Variants in GRB2 observed in about 807,000 individuals in gnomAD.
GRB2 encodes the protein growth factor receptor bound protein 2, also known as growth factor receptor-bound protein 2.
In GRB2, 2 loss-of-function variants were observed where a neutral mutation model predicts 27.4. The ratio of observed to expected loss-of-function variants is 0.07; its 90% confidence interval spans 0.03 to 0.23. The LOEUF is 0.23. Among genes scored for constraint, GRB2 ranks in the 10% least tolerant of loss-of-function variants. The pLI, the probability that GRB2 is intolerant of heterozygous loss-of-function variation, is 1.00. For missense variants in GRB2, 102 were observed against 282.4 expected, an observed-to-expected ratio of 0.36 and a Z score of 4.58; for synonymous variants, 94 against 99.6, an observed-to-expected ratio of 0.94 and a Z score of 0.33.
chr17:75,383,612 G>A (rs1329154218), intron 2 of GRB2, among the ~76,000 whole-genome samples: 1 of 152,222 alleles, frequency 6.6e-6, no homozygotes, highest in Non-Finnish European at 1.5e-5. Context: ...GGGAGGCTGA[G>A]GCAGGCGGAT....
chr17:75,320,032 T>C lies in GRB2; in HGVS notation c.*336A>G, dbSNP rs776063105. ...CCACTTGGTTTCTTGTTTTTTATTATTGGCGTCAGCTAGGACTATACGTGG... is the reference window on the plus strand; with the variant it reads ...CCACTTGGTTTCTTGTTTTTTATTACTGGCGTCAGCTAGGACTATACGTGG... On this transcript the variant is annotated 3_prime_UTR_variant, in exon 6 of 6. Transcript: ENST00000316804. This position sits in a 1 kb window ranked among gnomAD's most constrained non-coding sequence, Gnocchi z 4.3. 2 of 188,384 alleles carry C rather than the reference T, an allele frequency of 1.1e-5. No homozygotes were observed. Among genetic ancestry groups the C allele is most frequent in the Admixed American group, 5.4e-5 (1 of 18,364 alleles). 11.7% of individuals were successfully genotyped at this position (188,384 alleles called of 1,614,324 possible). A position where few individuals can be genotyped will look rare whatever the true frequency, so the allele number is the denominator to read the frequency against.
At chr17:75,377,132 G>A (rs1032987356) in intron 2 of GRB2, among the ~76,000 whole-genome samples, 1 of 151,348 alleles carries the variant, frequency 6.6e-6, no homozygotes, top group African/African-American at 2.4e-5. Flanking sequence ...GTGACCCCCC[G>A]CTACAAAAAA....
intron 2 of GRB2, among the ~76,000 whole-genome samples, chr17:75,358,692 A>C (rs2078751707): frequency 1.0e-5 from 1 of 97,070 alleles, no homozygotes; most frequent in South Asian, 3.8e-4. Context: ...GCGAAATCCC[A>C]TCTCTACTAA....
At chr17:75,324,392 T>C (rs546661336) in intron 4 of GRB2, among the ~76,000 whole-genome samples, 45 of 139,596 alleles carry the variant, frequency 3.2e-4, no homozygotes, top group African/African-American at 1.1e-3. Flanking sequence ...TTTTTTTTAG[T>C]AGAGACAGGG....
At chr17:75,391,919 T>C (rs896504514) in intron 2 of GRB2, among the ~76,000 whole-genome samples, 2 of 152,100 alleles carry the variant, frequency 1.3e-5, no homozygotes, top group East Asian at 3.8e-4. Flanking sequence ...GAGAAAAATA[T>C]GAACCACCAG....
intron 2 of GRB2, among the ~76,000 whole-genome samples, chr17:75,391,546 C>T (rs890916484): frequency 7.2e-5 from 11 of 152,280 alleles, no homozygotes; most frequent in Admixed American, 2.0e-4. Context: ...CAGTAGCTCA[C>T]GCCTGTAATC....
intron 2 of GRB2, among the ~76,000 whole-genome samples, chr17:75,353,487 G>C (rs2078707207): frequency 1.3e-5 from 2 of 152,060 alleles, no homozygotes; most frequent in Non-Finnish European, 2.9e-5. Context: ...TTTTTACCGG[G>C]CGCGGTGGCT....
chr17:75,395,440 C>A (rs2079023478), intron 1 of GRB2, among the ~76,000 whole-genome samples: 1 of 152,126 alleles, frequency 6.6e-6, no homozygotes, highest in African/African-American at 2.4e-5. Context: ...CCTTAAATGC[C>A]CTTCACTTAC....
At chr17:75,356,740 C>T (rs1351120482) in intron 2 of GRB2, among the ~76,000 whole-genome samples, 2 of 152,202 alleles carry the variant, frequency 1.3e-5, no homozygotes, top group Non-Finnish European at 2.9e-5. Flanking sequence ...CTGCCCTCAT[C>T]TGACTTGGCC....
chr17:75,390,162 T>C (rs1176609567), intron 2 of GRB2, among the ~76,000 whole-genome samples: 2 of 152,078 alleles, frequency 1.3e-5, no homozygotes, highest in Non-Finnish European at 2.9e-5. Flanking sequence ...CTGGTAAAGG[T>C]AGTTAGTGCC....
rs573030908 is a variant in GRB2 at position 75,319,213 on chromosome 17, C to T, written c.*1155G>A. The T allele has an allele frequency of 6.6e-6, 1 of 152,560 alleles. No homozygotes were observed. Among genetic ancestry groups the T allele is most frequent in the African/African-American group, 2.4e-5 (1 of 41,508 alleles). 9.5% of individuals were successfully genotyped at this position (152,560 alleles called of 1,614,324 possible). On this transcript the variant is annotated 3_prime_UTR_variant, in exon 6 of 6. Coordinates refer to ENST00000316804, the MANE Select transcript of GRB2 (RefSeq NM_002086.5). ...CTCCTGCTTTGTCTCCTTTGCTCTACCCTGGCTCCCCTGCCCGGAGGGAAA... is the reference window on the plus strand; with the variant it reads ...CTCCTGCTTTGTCTCCTTTGCTCTATCCTGGCTCCCCTGCCCGGAGGGAAA...
chr17:75,349,788 T>A (rs1416004579), intron 2 of GRB2, among the ~76,000 whole-genome samples: 1 of 151,998 alleles, frequency 6.6e-6, no homozygotes, highest in African/African-American at 2.4e-5. Flanking sequence ...CCAAAATTTG[T>A]AATCCTGGGA....
intron 4 of GRB2, among the ~76,000 whole-genome samples, chr17:75,322,981 T>C (rs1487375559): frequency 6.6e-6 from 1 of 151,752 alleles, no homozygotes; most frequent in African/African-American, 2.4e-5. Flanking sequence ...TAGCCAGGTG[T>C]GGTGGCAGAT....
chr17:75,396,156 C>T (rs1187862653), intron 1 of GRB2, among the ~76,000 whole-genome samples: 1 of 152,108 alleles, frequency 6.6e-6, no homozygotes, highest in East Asian at 1.9e-4. Context: ...CTTTTTTGTA[C>T]AATCCTTAGA....
intron 2 of GRB2, among the ~76,000 whole-genome samples, chr17:75,355,264 C>T (rs2078724200): frequency 6.6e-6 from 1 of 152,104 alleles, no homozygotes; most frequent in South Asian, 2.1e-4. Flanking sequence ...CTGGATTTTT[C>T]TAATCAACAA....
chr17:75,397,853 A>ATTTT (rs869152226), intron 1 of GRB2, among the ~76,000 whole-genome samples: 9 of 150,346 alleles, frequency 6.0e-5, no homozygotes, highest in Admixed American at 5.3e-4. Flanking sequence ...TTATTTATTT[A>ATTTT]TTTTTTGAGA....
At chr17:75,386,753 A>C (rs1013821543) in intron 2 of GRB2, among the ~76,000 whole-genome samples, 2 of 152,206 alleles carry the variant, frequency 1.3e-5, no homozygotes, top group Non-Finnish European at 2.9e-5. Context: ...ATGTATTGTG[A>C]TGGGTACACC....
intron 2 of GRB2, among the ~76,000 whole-genome samples, chr17:75,364,492 A>C (rs1598239820): frequency 1.3e-5 from 2 of 152,246 alleles, no homozygotes; most frequent in South Asian, 4.2e-4. Flanking sequence ...ACCTTGCCCA[A>C]GGAGACAGAG....
At chr17:75,327,074 T>C (rs1171406014) in intron 3 of GRB2, among the ~76,000 whole-genome samples, 1 of 28,122 alleles carries the variant, frequency 3.6e-5, no homozygotes, top group African/African-American at 4.2e-5. Context: ...ATATCTTTTC[T>C]TTTTTTTTTT....
Sources: gnomAD v4.1 joint callset for allele counts (sites outside exome capture counted in the v4.1 genomes callset) on GRCh38, gnomAD v4.1.1 for gene constraint, Gnocchi (gnomAD v3.1) non-coding constraint, MANE v1.5 for transcripts, NCBI Gene and HGNC (gene_info 2026-07-23, HGNC 2026-07-21) for gene names.